Variants in DCUN1D3 observed in about 807,000 individuals in gnomAD.
DCUN1D3 encodes the protein DCN1-like protein 3.
In DCUN1D3, 6 loss-of-function variants were observed where a neutral mutation model predicts 24.8. That is an observed-to-expected ratio of 0.24 (90% CI 0.13 to 0.48). The LOEUF is 0.48. Ranked by LOEUF, DCUN1D3 falls within the 20% of genes least tolerant of loss-of-function variation. DCUN1D3 has a pLI of 0.99. For missense variants in DCUN1D3, 258 were observed against 379.4 expected, an observed-to-expected ratio of 0.68 and a Z score of 2.66; for synonymous variants, 120 against 144.9, an observed-to-expected ratio of 0.83 and a Z score of 1.24.
intron 1 of DCUN1D3, among the ~76,000 whole-genome samples, chr16:20,864,709 T>C (rs945695653): frequency 5.3e-5 from 8 of 152,220 alleles, no homozygotes; most frequent in Non-Finnish European, 8.8e-5. Flanking sequence ...ACTGCAGCAC[T>C]ATTCACAATA....
Position 20,859,712 on chromosome 16 carries a change from T to A in DCUN1D3, c.*174A>T, listed in dbSNP as rs1362601013. 1.2e-6 allele frequency: 1 copy of A among 843,314 alleles called. No individual in the cohort carries two copies. Among genetic ancestry groups the A allele is most frequent in the Admixed American group, 3.5e-5 (1 of 28,420 alleles). 52.2% of individuals were successfully genotyped at this position (843,314 alleles called of 1,614,324 possible). A position where few individuals can be genotyped will look rare whatever the true frequency, so the allele number is the denominator to read the frequency against. Reference sequence around the variant, plus strand: ...GAAATAACCAAAATAACCAAAAAAATGAAGAAAGTGCCTAAAACATGATAC... The same window carrying A: ...GAAATAACCAAAATAACCAAAAAAAAGAAGAAAGTGCCTAAAACATGATAC... On this transcript the variant is annotated 3_prime_UTR_variant, in exon 3 of 3. Transcript: ENST00000324344.
rs1249674464 is a variant in DCUN1D3, at chr16:20,859,237, T to C, written c.*649A>G. ...AGGGAAATCAGGGTTCTGGATAAAT[T>C]AGCTTAAAAGGGGGTTGTCACCAGA... On this transcript the variant is annotated 3_prime_UTR_variant, in exon 3 of 3. Coordinates refer to ENST00000324344, the MANE Select transcript of DCUN1D3 (RefSeq NM_173475.4). 1 of 152,540 alleles carries C rather than the reference T, an allele frequency of 6.6e-6. No homozygotes were observed. The highest frequency in any genetic ancestry group is 2.4e-5 in the African/African-American group (1 of 41,436). 9.4% of individuals were successfully genotyped at this position (152,540 alleles called of 1,614,324 possible).
chr16:20,870,354 GAAC>G (rs1483627036), intron 1 of DCUN1D3, among the ~76,000 whole-genome samples: 1 of 152,160 alleles, frequency 6.6e-6, no homozygotes, highest in African/African-American at 2.4e-5. Context: ...ACTCCAATCT[GAAC>G]AACGAGGGAT....
At chr16:20,874,191 T>A (rs1314120879) in intron 1 of DCUN1D3, among the ~76,000 whole-genome samples, 1 of 152,178 alleles carries the variant, frequency 6.6e-6, no homozygotes, top group Non-Finnish European at 1.5e-5. Flanking sequence ...GATTCATGGT[T>A]CAGAACCAAC....
intron 1 of DCUN1D3, among the ~76,000 whole-genome samples, chr16:20,896,596 A>T (rs1567432229): frequency 6.6e-6 from 1 of 151,208 alleles, no homozygotes; most frequent in African/African-American, 2.4e-5. Flanking sequence ...AAACTGGCTG[A>T]TGAAACTTCA....
chr16:20,874,715 A>C (rs2081805318), intron 1 of DCUN1D3, among the ~76,000 whole-genome samples: 1 of 152,226 alleles, frequency 6.6e-6, no homozygotes, highest in South Asian at 2.1e-4. Context: ...CCTATTAAGA[A>C]AGTGTTTAAG....
intron 1 of DCUN1D3, among the ~76,000 whole-genome samples, chr16:20,898,535 G>C (rs1366418039): frequency 6.6e-6 from 1 of 152,210 alleles, no homozygotes; most frequent in Non-Finnish European, 1.5e-5. Context: ...TTCTAAATCA[G>C]TTAAAGTGAG....
At chr16:20,878,268 G>A (rs562058237) in intron 1 of DCUN1D3, among the ~76,000 whole-genome samples, 1 of 152,270 alleles carries the variant, frequency 6.6e-6, no homozygotes, top group Admixed American at 6.5e-5. Context: ...CAGTACACAG[G>A]TCCATCTCTC....
chr16:20,884,144 T>C (rs17748572), intron 1 of DCUN1D3, among the ~76,000 whole-genome samples: 9,255 of 152,284 alleles, frequency 0.061, 423 homozygotes, highest in Middle Eastern at 0.11. Context: ...GTTAAGTTTT[T>C]AAATGTGTGG....
At chr16:20,885,922 C>T (rs1275138119) in intron 1 of DCUN1D3, among the ~76,000 whole-genome samples, 2 of 152,150 alleles carry the variant, frequency 1.3e-5, no homozygotes, top group African/African-American at 2.4e-5. Context: ...TTTTCTCCCA[C>T]CCCAACAGAA....
Position 20,856,561 on chromosome 16 carries a change from C to T in DCUN1D3, c.*3325G>A, listed in dbSNP as rs917349656. 3 of 152,104 alleles carry T rather than the reference C, an allele frequency of 2.0e-5. No homozygotes were observed. Among genetic ancestry groups the T allele is most frequent in the African/African-American group, 7.2e-5 (3 of 41,408 alleles). 9.4% of individuals were successfully genotyped at this position (152,104 alleles called of 1,614,324 possible). A position where few individuals can be genotyped will look rare whatever the true frequency, so the allele number is the denominator to read the frequency against. On this transcript the variant is annotated 3_prime_UTR_variant, in exon 3 of 3. Transcript: ENST00000324344. ...CCAGGGGTTTGGTTAAAATTTAGAT[C>T]TTCACCCAGCTCTAGATTCATCTTC...
At chr16:20,872,348 A>G (rs775335050) in intron 1 of DCUN1D3, among the ~76,000 whole-genome samples, 1 of 152,168 alleles carries the variant, frequency 6.6e-6, no homozygotes. Context: ...ACTGCATCCA[A>G]ATGTCTTAAA....
chr16:20,874,098 T>C (rs1427982144), intron 1 of DCUN1D3, among the ~76,000 whole-genome samples: 2 of 151,962 alleles, frequency 1.3e-5, no homozygotes, highest in Non-Finnish European at 2.9e-5. Context: ...ACTGAAAGAG[T>C]CCCTACCAAG....
chr16:20,868,758 G>C (rs2081774581), intron 1 of DCUN1D3: 1 of 152,134 alleles, frequency 6.6e-6, no homozygotes, highest in African/African-American at 2.4e-5. Flanking sequence ...GGACACAAAT[G>C]GGTTGAATGG....
chr16:20,856,018 G>A lies in DCUN1D3; in HGVS notation c.*3868C>T, dbSNP rs538865152. On this transcript the variant is annotated 3_prime_UTR_variant, in exon 3 of 3. Coordinates refer to ENST00000324344, the MANE Select transcript of DCUN1D3 (RefSeq NM_173475.4). ...GAGAGACAAGAAAAACAGCAGAGCA[G>A]TCAAGTAAAATGCAACAAAAACCTA... 4 of 152,336 alleles carry A rather than the reference G, an allele frequency of 2.6e-5. No homozygotes were observed. The highest frequency in any genetic ancestry group is 9.6e-5 in the African/African-American group (4 of 41,560). 9.4% of individuals were successfully genotyped at this position (152,336 alleles called of 1,614,324 possible). A position where few individuals can be genotyped will look rare whatever the true frequency, so the allele number is the denominator to read the frequency against.
chr16:20,891,588 T>C (rs926809864), intron 1 of DCUN1D3, among the ~76,000 whole-genome samples: 2 of 152,164 alleles, frequency 1.3e-5, no homozygotes, highest in African/African-American at 4.8e-5. Flanking sequence ...GGAGGACATG[T>C]AGGGTAGCCG....
At chr16:20,878,196 C>T (rs1288405118) in intron 1 of DCUN1D3, among the ~76,000 whole-genome samples, 1 of 152,130 alleles carries the variant, frequency 6.6e-6, no homozygotes, top group Non-Finnish European at 1.5e-5. Flanking sequence ...CTTATTACTC[C>T]AATTATTCTT....
In DCUN1D3 at chr16:20,872,902, G is replaced by A. The variant is rs1308226666; in HGVS notation, c.-105-10259C>T. On this transcript the variant is annotated intron_variant, in intron 1 of 2. Coordinates refer to ENST00000324344, the MANE Select transcript of DCUN1D3 (RefSeq NM_173475.4). ...GGAGGCCAAGGCAGGTGGATCACGA[G>A]GTCAGGAGTTCAAGACCAGCCTGGC... Among the ~76,000 whole-genome samples, 4 of 152,320 alleles carry A rather than the reference G, an allele frequency of 2.6e-5. No homozygotes were observed. The East Asian group carries it at 7.7e-4, about 29-fold the overall frequency.
At chr16:20,885,000 G>C (rs900787303) in intron 1 of DCUN1D3, among the ~76,000 whole-genome samples, 14 of 147,206 alleles carry the variant, frequency 9.5e-5, no homozygotes, top group Admixed American at 8.2e-4. Context: ...TTTTTGAGAC[G>C]GAGTCTGGCT....
Sources: allele counts gnomAD v4.1 joint callset (sites outside exome capture counted in the v4.1 genomes callset), GRCh38; gene constraint gnomAD v4.1.1; transcripts MANE v1.5; gene names NCBI Gene and HGNC (gene_info 2026-07-23, HGNC 2026-07-21).